The following UBE2E2 variants were observed in gnomAD, a reference collection of about 807,000 sequenced individuals.
UBE2E2 encodes ubiquitin-conjugating enzyme E2 E2.
Under a neutral mutation model 24.7 loss-of-function variants are expected in UBE2E2, and 6 were observed. That is an observed-to-expected ratio of 0.24 (90% CI 0.13 to 0.48). The LOEUF is 0.48. Ranked by LOEUF, UBE2E2 falls within the 20% of genes least tolerant of loss-of-function variation. The pLI is 0.99. For missense variants in UBE2E2, 169 were observed against 245.0 expected (o/e 0.69, Z 2.07); for synonymous variants, 104 against 83.6 (o/e 1.24, Z -1.33).
In UBE2E2 at chr3:23,589,994, C is replaced by G; in HGVS notation, c.*163C>G. 1.8e-6 allele frequency: 1 copy of G among 569,698 alleles called. No homozygotes were observed. Among genetic ancestry groups the G allele is most frequent in the East Asian group, 2.9e-5 (1 of 34,114 alleles). The allele number at this position is 569,698 out of a possible 1,614,324, so 35.3% of individuals were successfully genotyped here. ...TGTCCATCTTCCCATCCCAGTTCTT[C>G]CTGCCCCCCTTCCTCTCTCCCACGC... On this transcript the variant is annotated 3_prime_UTR_variant, in exon 6 of 6. Coordinates refer to ENST00000396703, the MANE Select transcript of UBE2E2 (RefSeq NM_152653.4). This position sits in a 1 kb window ranked among gnomAD's most constrained non-coding sequence, Gnocchi z 4.1.
At chr3:23,298,187 G>A (rs370921887) in intron 3 of UBE2E2, among the ~76,000 whole-genome samples, 1 of 152,148 alleles carries the variant, frequency 6.6e-6, no homozygotes, top group Non-Finnish European at 1.5e-5. Flanking sequence ...GAGATTTTGG[G>A]CTGAGACAGC....
At chr3:23,268,040 T>G (rs1218741271) in intron 3 of UBE2E2, among the ~76,000 whole-genome samples, 1 of 151,578 alleles carries the variant, frequency 6.6e-6, no homozygotes, top group African/African-American at 2.4e-5. Flanking sequence ...AAATTAGGTA[T>G]TGATGGGACG....
At chr3:23,326,849 G>A (rs186843190) in intron 3 of UBE2E2, among the ~76,000 whole-genome samples, 209 of 152,176 alleles carry the variant, frequency 1.4e-3, no homozygotes, top group Admixed American at 2.4e-3. Flanking sequence ...ACAGGCCCTG[G>A]TGTGGGATGT....
intron 5 of UBE2E2, among the ~76,000 whole-genome samples, chr3:23,568,874 AT>A (rs1467634467): frequency 6.6e-6 from 1 of 151,884 alleles, no homozygotes; most frequent in East Asian, 1.9e-4. Flanking sequence ...AGAATTAGAC[AT>A]TGCTAGTGGG....
At position 23,522,378 on chromosome 3, in the gene UBE2E2, C is replaced by T. The variant is rs547663932; in HGVS notation, c.361-10176C>T. On this transcript the variant is annotated intron_variant, in intron 4 of 5. Transcript: ENST00000396703. ...ATATCCTGACCTCAGGTGATCTGCC[C>T]GCCTCGGCCTTCCAAAGTGCTGGGA... Among the ~76,000 whole-genome samples, 4 of 152,212 alleles carry T rather than the reference C, an allele frequency of 2.6e-5. No homozygotes were observed. The East Asian group carries it at 7.7e-4, about 29-fold the overall frequency.
At chr3:23,428,434 T>C (rs1697980493) in intron 3 of UBE2E2, among the ~76,000 whole-genome samples, 1 of 152,172 alleles carries the variant, frequency 6.6e-6, no homozygotes, top group South Asian at 2.1e-4. Flanking sequence ...ATGCAGAGGT[T>C]ACAGAAGAAG....
chr3:23,567,829 C>T (rs896434073), intron 5 of UBE2E2, among the ~76,000 whole-genome samples: 1 of 152,210 alleles, frequency 6.6e-6, no homozygotes, highest in Non-Finnish European at 1.5e-5. Flanking sequence ...ATATCCTAGA[C>T]ACTTTGTTGG....
intron 3 of UBE2E2, among the ~76,000 whole-genome samples, chr3:23,488,794 G>C (rs1198367765): frequency 6.6e-6 from 1 of 152,144 alleles, no homozygotes; most frequent in African/African-American, 2.4e-5. Context: ...TGGGAGGTGG[G>C]GGCGGAATTA....
At chr3:23,568,212 T>A (rs1162552637) in intron 5 of UBE2E2, among the ~76,000 whole-genome samples, 1 of 152,172 alleles carries the variant, frequency 6.6e-6, no homozygotes, top group Non-Finnish European at 1.5e-5. Context: ...TACGTAACAA[T>A]GTCTAGGGCA....
intron 3 of UBE2E2, among the ~76,000 whole-genome samples, chr3:23,435,177 G>A (rs1698153057): frequency 6.6e-6 from 1 of 152,144 alleles, no homozygotes; most frequent in South Asian, 2.1e-4. Flanking sequence ...TTACACACTT[G>A]AAATCAATAG....
intron 3 of UBE2E2, among the ~76,000 whole-genome samples, chr3:23,373,323 C>T (rs1696441850): frequency 6.6e-6 from 1 of 152,132 alleles, no homozygotes; most frequent in Admixed American, 6.5e-5. Context: ...ACTCACTGTC[C>T]TGTGGGGTAA....
rs145030030 is a variant in UBE2E2 at position 23,578,092 on chromosome 3, T to A, written c.509-11642T>A. Among the ~76,000 whole-genome samples the A allele has an allele frequency of 1.8e-3, 273 of 149,096 alleles. 5 individuals are homozygous for A. The highest frequency in any genetic ancestry group is 0.015 in the East Asian group (79 of 5,108). ...AGAGTCTACAAGGAACTTAAACAAA[T>A]TTACAAGAAAAAAAATTTAAAAGTG... On this transcript the variant is annotated intron_variant, in intron 5 of 5. Transcript: ENST00000396703.
chr3:23,364,408 C>G (rs991552801), intron 3 of UBE2E2, among the ~76,000 whole-genome samples: 5 of 151,568 alleles, frequency 3.3e-5, no homozygotes, highest in Admixed American at 2.6e-4. Flanking sequence ...GACAGAAGAT[C>G]CAAATAAACA....
intron 3 of UBE2E2, among the ~76,000 whole-genome samples, chr3:23,444,230 C>A (rs1302937852): frequency 6.6e-6 from 1 of 152,098 alleles, no homozygotes; most frequent in Admixed American, 6.6e-5. Context: ...CCACGAGATA[C>A]CCCAGTGAAT....
intron 5 of UBE2E2, among the ~76,000 whole-genome samples, chr3:23,561,504 G>A (rs1203309243): frequency 1.3e-5 from 2 of 152,126 alleles, no homozygotes; most frequent in Non-Finnish European, 2.9e-5. Flanking sequence ...GTCAGGTAGT[G>A]TGATGCCTCC....
chr3:23,203,189 G>A, upstream of UBE2E2: 1 of 986,078 alleles, frequency 1.0e-6, no homozygotes, highest in Non-Finnish European at 1.2e-6. Context: ...GGCAGCCACA[G>A]CGACAGCCGC....
chr3:23,581,077 T>G (rs1176769196), intron 5 of UBE2E2, among the ~76,000 whole-genome samples: 1 of 152,008 alleles, frequency 6.6e-6, no homozygotes, highest in Non-Finnish European at 1.5e-5. Context: ...TAATTTTTAT[T>G]TATTTATTTT....
intron 3 of UBE2E2, among the ~76,000 whole-genome samples, chr3:23,318,693 C>G (rs1186973171): frequency 1.3e-5 from 2 of 152,142 alleles, no homozygotes; most frequent in African/African-American, 4.8e-5. Flanking sequence ...CACTTATTCA[C>G]TACCACGAGA....
chr3:23,473,083 C>G (rs1699061270), intron 3 of UBE2E2, among the ~76,000 whole-genome samples: 1 of 152,034 alleles, frequency 6.6e-6, no homozygotes, highest in African/African-American at 2.4e-5. Flanking sequence ...CTTCACTAGA[C>G]TACCAGATGG....
Sources: allele counts gnomAD v4.1 joint callset (sites outside exome capture counted in the v4.1 genomes callset), GRCh38; gene constraint gnomAD v4.1.1; non-coding constraint Gnocchi (gnomAD v3.1); transcripts MANE v1.5; gene names NCBI Gene and HGNC (gene_info 2026-07-23, HGNC 2026-07-21).